RAPGEF2: variants seen among roughly 807,000 people sequenced by gnomAD.
The protein encoded by RAPGEF2 is PDZ domain containing guanine nucleotide exchange factor (GEF) 1.
In RAPGEF2, 54 loss-of-function variants were observed where a neutral mutation model predicts 186.7. The ratio of observed to expected loss-of-function variants is 0.29; its 90% CI spans 0.23 to 0.36. RAPGEF2 has a LOEUF of 0.36. RAPGEF2 is among the 10% of genes least tolerant of loss of function. The pLI is 1.00. For synonymous variants in RAPGEF2, 712 were observed against 705.9 expected, an observed-to-expected ratio of 1.01 and a Z score of -0.14; for missense variants, 1,532 against 2,045.0, an observed-to-expected ratio of 0.75 and a Z score of 4.84.
intron 7 of RAPGEF2, among the ~76,000 whole-genome samples, chr4:159,294,385 C>T (rs977334056): frequency 6.6e-6 from 1 of 152,162 alleles, no homozygotes; most frequent in Admixed American, 6.5e-5. Flanking sequence ...ATCTTCTGAT[C>T]GTACCAGCAG....
intron 7 of RAPGEF2, among the ~76,000 whole-genome samples, chr4:159,275,058 T>TC (rs1758664071): frequency 1.5e-5 from 1 of 68,172 alleles, no homozygotes; most frequent in South Asian, 3.1e-4. Flanking sequence ...GTCTCTCGTG[T>TC]GTGTGTGTGT....
chr4:159,189,752 T>G (rs535607310), intron 2 of RAPGEF2, among the ~76,000 whole-genome samples: 1 of 152,272 alleles, frequency 6.6e-6, no homozygotes, highest in East Asian at 1.9e-4. Flanking sequence ...TGGTACTTGA[T>G]TCCTCCATTT....
In RAPGEF2 at chr4:159,109,813, A is replaced by G. The variant is rs532073640; in HGVS notation, c.69+5582A>G. 9.8e-5 allele frequency among the ~76,000 whole-genome samples: 15 copies of G among 152,330 alleles called. No homozygotes were observed. In the East Asian group the frequency reaches 1.2e-3, roughly 12 times the overall value. On this transcript the variant is annotated intron_variant, in intron 1 of 29. Transcript: ENST00000691494. Reference sequence around the variant, plus strand: ...TGACCTACTGTCATATGAGTAGCACACCTGGTAAGACAACATGTGCAGCTC... The same window carrying G: ...TGACCTACTGTCATATGAGTAGCACGCCTGGTAAGACAACATGTGCAGCTC...
intron 1 of RAPGEF2, among the ~76,000 whole-genome samples, chr4:159,105,925 G>A (rs551273252): frequency 6.6e-6 from 1 of 152,320 alleles, no homozygotes; most frequent in South Asian, 2.1e-4. Context: ...TGGTGCATTT[G>A]GTTGATTAGT....
chr4:159,142,507 T>C (rs1742461236), intron 1 of RAPGEF2, among the ~76,000 whole-genome samples: 1 of 151,000 alleles, frequency 6.6e-6, no homozygotes. Context: ...ACCAGAATAC[T>C]TCATGGTTTT....
At chr4:159,110,324 A>G (rs1036135721) in intron 1 of RAPGEF2, among the ~76,000 whole-genome samples, 1 of 152,342 alleles carries the variant, frequency 6.6e-6, no homozygotes, top group South Asian at 2.1e-4. Flanking sequence ...GCTGTGGCTC[A>G]TGCCTCTAAT....
intron 3 of RAPGEF2, among the ~76,000 whole-genome samples, chr4:159,193,823 CAAT>C (rs941376646): frequency 6.6e-6 from 1 of 152,140 alleles, no homozygotes; most frequent in African/African-American, 2.4e-5. Context: ...CATTTTGTTT[CAAT>C]AATGTTTGCC....
intron 1 of RAPGEF2, 33 bp downstream of exon 1, chr4:159,104,264 G>T (rs1234185093): frequency 7.4e-7 from 1 of 1,357,078 alleles, no homozygotes; most frequent in Admixed American, 2.5e-5. Context: ...CCCTTGGCCG[G>T]ATTTCTGCCT....
chr4:159,112,066 A>G (rs1738554629), intron 1 of RAPGEF2, among the ~76,000 whole-genome samples: 1 of 152,188 alleles, frequency 6.6e-6, no homozygotes, highest in South Asian at 2.1e-4. Context: ...ATTAATTGGA[A>G]TCGTACAGTA....
intron 1 of RAPGEF2, among the ~76,000 whole-genome samples, chr4:159,114,489 G>A (rs1024101815): frequency 6.6e-6 from 1 of 151,636 alleles, no homozygotes; most frequent in Non-Finnish European, 1.5e-5. Context: ...TTCTCCTCTC[G>A]GCCTCCCAAA....
In RAPGEF2 at chr4:159,103,155, C is replaced by G. The variant is rs985941968; in HGVS notation, c.-1008C>G. 3.3e-5 allele frequency: 5 copies of G among 152,052 alleles called. No individual in the cohort carries two copies. The East Asian group carries it at 9.7e-4, about 29-fold the overall frequency. 9.4% of individuals were successfully genotyped at this position (152,052 alleles called of 1,614,324 possible). A position where few individuals can be genotyped will look rare whatever the true frequency, so the allele number is the denominator to read the frequency against. Reference sequence around the variant, plus strand: ...GAAGAGGAGGGGAATCGCCGCTTCCCAAACACTCTCTCCGAGGGGGCTGTG... The same window carrying G: ...GAAGAGGAGGGGAATCGCCGCTTCCGAAACACTCTCTCCGAGGGGGCTGTG... On this transcript the variant is annotated 5_prime_UTR_variant, in exon 1 of 30. Coordinates refer to ENST00000691494, the MANE Select transcript of RAPGEF2 (RefSeq NM_001394067.2).
At chr4:159,167,925 A>C (rs894988061) in intron 1 of RAPGEF2, among the ~76,000 whole-genome samples, 1 of 152,182 alleles carries the variant, frequency 6.6e-6, no homozygotes, top group Non-Finnish European at 1.5e-5. Context: ...GTTGTCTTTG[A>C]TTTACTAACA....
At chr4:159,258,156 A>T (rs1756402491) in intron 7 of RAPGEF2, among the ~76,000 whole-genome samples, 1 of 152,258 alleles carries the variant, frequency 6.6e-6, no homozygotes, top group African/African-American at 2.4e-5. Context: ...TCAAAATGGT[A>T]GTAACTGACA....
At chr4:159,279,063 A>G (rs1189499706) in intron 7 of RAPGEF2, among the ~76,000 whole-genome samples, 1 of 152,108 alleles carries the variant, frequency 6.6e-6, no homozygotes, top group African/African-American at 2.4e-5. Context: ...TTACTAGTTC[A>G]TTATTAGAGT....
intron 1 of RAPGEF2, among the ~76,000 whole-genome samples, chr4:159,106,326 A>T (rs938841364): frequency 2.0e-5 from 3 of 152,212 alleles, no homozygotes; most frequent in Non-Finnish European, 4.4e-5. Flanking sequence ...TTTTCAAGAG[A>T]AAGTTGTTCG....
In RAPGEF2 at chr4:159,354,580, C is replaced by T. The variant is rs137923114; in HGVS notation, c.4651+534C>T. Among the ~76,000 whole-genome samples, 1,335 of 152,246 alleles carry T rather than the reference C, an allele frequency of 8.8e-3. 17 individuals carry two copies. Among genetic ancestry groups the T allele is most frequent in the African/African-American group, 0.03 (1,232 of 41,522 alleles). On this transcript the variant is annotated intron_variant, in intron 28 of 29. Coordinates refer to ENST00000691494, the MANE Select transcript of RAPGEF2 (RefSeq NM_001394067.2). ...GCTAATAGTGTAATGACTAAGAGCA[C>T]GGGTTTAGGAGTCAGGCGGACTGGG...
chr4:159,174,833 T>C (rs1157395016), intron 1 of RAPGEF2, among the ~76,000 whole-genome samples: 2 of 151,856 alleles, frequency 1.3e-5, no homozygotes, highest in Non-Finnish European at 2.9e-5. Context: ...GACAGCACAC[T>C]GTAGCCTTAA....
intron 7 of RAPGEF2, among the ~76,000 whole-genome samples, chr4:159,244,649 G>T (rs1174325873): frequency 6.6e-6 from 1 of 151,820 alleles, no homozygotes; most frequent in Admixed American, 6.6e-5. Context: ...TGTTGTACAG[G>T]GAAAAGATCA....
At chr4:159,118,468 A>G (rs1195980331) in intron 1 of RAPGEF2, among the ~76,000 whole-genome samples, 1 of 152,200 alleles carries the variant, frequency 6.6e-6, no homozygotes, top group Non-Finnish European at 1.5e-5. Context: ...TAAATGTAAT[A>G]TGCTTGAATC....
Sources: gnomAD v4.1 joint callset for allele counts (sites outside exome capture counted in the v4.1 genomes callset) on GRCh38, gnomAD v4.1.1 for gene constraint, MANE v1.5 for transcripts, NCBI Gene and HGNC (gene_info 2026-07-23, HGNC 2026-07-21) for gene names.